The following LHFPL6 variants were observed in gnomAD, a reference collection of about 807,000 sequenced individuals.
LHFPL6 encodes the protein LHFPL tetraspan subfamily member 6 protein.
LHFPL6 carries 9 observed loss-of-function variants against 20.6 expected under a neutral mutation model. The ratio of observed to expected loss-of-function variants is 0.44; its 90% CI spans 0.26 to 0.76. The LOEUF (loss-of-function observed/expected upper bound fraction) is 0.76, where lower values mean the gene tolerates loss of function less well. Ranked by LOEUF, LHFPL6 falls within the 30% of genes least tolerant of loss-of-function variation. The pLI, the probability that LHFPL6 is intolerant of heterozygous loss-of-function variation, is 0.20. For synonymous variants in LHFPL6, 105 were observed against 98.7 expected (o/e 1.06, Z -0.38); for missense variants, 218 against 253.5 (o/e 0.86, Z 0.95).
chr13:39,352,972 C>CACACATATATATATATAT (rs1555257725), intron 3 of LHFPL6, among the ~76,000 whole-genome samples: 6 of 69,136 alleles, frequency 8.7e-5, no homozygotes, highest in South Asian at 6.4e-4. Context: ...CACACACACA[C>CACACATATATATATATAT]ATATATATAT....
intron 2 of LHFPL6, among the ~76,000 whole-genome samples, chr13:39,380,612 C>A (rs1235029089): frequency 6.6e-6 from 1 of 151,526 alleles, no homozygotes; most frequent in Non-Finnish European, 1.5e-5. Flanking sequence ...CCCATCTCTG[C>A]CTCCTGAGTA....
intron 2 of LHFPL6, among the ~76,000 whole-genome samples, chr13:39,419,941 C>T (rs1014638007): frequency 6.6e-6 from 1 of 152,030 alleles, no homozygotes; most frequent in Non-Finnish European, 1.5e-5. Context: ...GTAAAAATGT[C>T]GAGAATAATG....
intron 2 of LHFPL6, among the ~76,000 whole-genome samples, chr13:39,510,663 A>G (rs933681282): frequency 5.3e-5 from 8 of 151,954 alleles, no homozygotes; most frequent in Non-Finnish European, 1.2e-4. Context: ...CACACACACA[A>G]TGGAGAAGCA....
chr13:39,563,210 A>G (rs1396399852), intron 2 of LHFPL6, among the ~76,000 whole-genome samples: 1 of 152,114 alleles, frequency 6.6e-6, no homozygotes, highest in Non-Finnish European at 1.5e-5. Flanking sequence ...AGCTAATTAA[A>G]TTAAAAATAA....
At chr13:39,536,010 G>A (rs1870606644) in intron 2 of LHFPL6, among the ~76,000 whole-genome samples, 2 of 152,186 alleles carry the variant, frequency 1.3e-5, no homozygotes, top group Middle Eastern at 3.4e-3. Context: ...CATAGGAAAG[G>A]AAAAATGAGA....
At chr13:39,499,065 G>A (rs995524398) in intron 2 of LHFPL6, among the ~76,000 whole-genome samples, 1 of 152,098 alleles carries the variant, frequency 6.6e-6, no homozygotes, top group Non-Finnish European at 1.5e-5. Flanking sequence ...GTTTTGCCAT[G>A]TTGACCAGGC....
intron 2 of LHFPL6, among the ~76,000 whole-genome samples, chr13:39,386,553 C>CGA: frequency 6.6e-6 from 1 of 152,198 alleles, no homozygotes. Flanking sequence ...GATCTCAATG[C>CGA]TTGGACATAA....
At chr13:39,366,091 C>T (rs1467525375) in intron 3 of LHFPL6, among the ~76,000 whole-genome samples, 3 of 152,198 alleles carry the variant, frequency 2.0e-5, no homozygotes, top group African/African-American at 4.8e-5. Context: ...CCATGGGAGC[C>T]TCTGCACATG....
intron 2 of LHFPL6, among the ~76,000 whole-genome samples, chr13:39,479,090 T>A (rs1868411698): frequency 7.0e-6 from 1 of 143,050 alleles, no homozygotes; most frequent in Non-Finnish European, 1.5e-5. Flanking sequence ...TAGACAGACA[T>A]AGGTTGATCT....
intron 2 of LHFPL6, among the ~76,000 whole-genome samples, chr13:39,495,573 G>A (rs73175166): frequency 0.11 from 16,478 of 150,668 alleles, 1,712 homozygotes; most frequent in East Asian, 0.6. Flanking sequence ...GATCCATCTG[G>A]ATATCTTTCC....
chr13:39,547,943 T>TA (rs1310302704), intron 2 of LHFPL6, among the ~76,000 whole-genome samples: 1 of 152,088 alleles, frequency 6.6e-6, no homozygotes, highest in African/African-American at 2.4e-5. Flanking sequence ...TTAAGTCACT[T>TA]TCTTTTAGGA....
intron 3 of LHFPL6, among the ~76,000 whole-genome samples, chr13:39,360,002 G>A (rs1021727673): frequency 2.0e-5 from 3 of 151,766 alleles, no homozygotes; most frequent in African/African-American, 7.3e-5. Flanking sequence ...ACAGAAAGAG[G>A]AGACAGGATT....
chr13:39,581,122 A>G (rs1872268438), intron 2 of LHFPL6, among the ~76,000 whole-genome samples: 1 of 152,232 alleles, frequency 6.6e-6, no homozygotes, highest in Non-Finnish European at 1.5e-5. Context: ...ACAATCTGCC[A>G]AACCCTACAA....
intron 2 of LHFPL6, among the ~76,000 whole-genome samples, chr13:39,540,952 G>A (rs1870777790): frequency 6.6e-6 from 1 of 152,150 alleles, no homozygotes; most frequent in Admixed American, 6.5e-5. Flanking sequence ...TTGAAGAGAA[G>A]TTTAAAATGA....
intron 2 of LHFPL6, among the ~76,000 whole-genome samples, chr13:39,427,978 G>A (rs1022125243): frequency 4.6e-5 from 7 of 152,184 alleles, no homozygotes; most frequent in South Asian, 2.1e-4. Flanking sequence ...CTGGCTCCCC[G>A]CTTCACCTTG....
chr13:39,409,295 A>G (rs984300281), intron 2 of LHFPL6, among the ~76,000 whole-genome samples: 3 of 152,012 alleles, frequency 2.0e-5, no homozygotes, highest in African/African-American at 7.3e-5. Flanking sequence ...CTCTACTAAA[A>G]ATACAAAGAT....
chr13:39,602,573 T>C (rs1328185945), intron 1 of LHFPL6, among the ~76,000 whole-genome samples: 3 of 152,122 alleles, frequency 2.0e-5, no homozygotes, highest in African/African-American at 4.8e-5. Context: ...AGCCCATATT[T>C]AGCCCCCTGC....
intron 2 of LHFPL6, among the ~76,000 whole-genome samples, chr13:39,594,107 T>C (rs1272678519): frequency 6.6e-6 from 1 of 152,160 alleles, no homozygotes; most frequent in Non-Finnish European, 1.5e-5. Flanking sequence ...AAAGCCAAAA[T>C]TGACAAACGG....
intron 2 of LHFPL6, among the ~76,000 whole-genome samples, chr13:39,392,872 G>C (rs997111611): frequency 6.6e-6 from 1 of 151,886 alleles, no homozygotes; most frequent in Non-Finnish European, 1.5e-5. Context: ...CTGTATCCAT[G>C]AGTTCTGAAT....
Sources: gnomAD v4.1 joint callset for allele counts (sites outside exome capture counted in the v4.1 genomes callset) on GRCh38, gnomAD v4.1.1 for gene constraint, MANE v1.5 for transcripts, NCBI Gene and HGNC (gene_info 2026-07-23, HGNC 2026-07-21) for gene names.